Variants in SRGAP2 observed in about 807,000 individuals in gnomAD.
SRGAP2 encodes SLIT-ROBO Rho GTPase-activating protein 2.
SRGAP2 carries 15 observed loss-of-function variants against 57.2 expected under a neutral mutation model. That is an observed-to-expected ratio of 0.26 (90% confidence interval 0.18 to 0.40). The LOEUF is 0.40. Among genes scored for constraint, SRGAP2 ranks in the 10% least tolerant of loss-of-function variants. SRGAP2 has a pLI of 1.00. For synonymous variants in SRGAP2, 249 were observed against 248.0 expected (o/e 1.00, Z -0.04); for missense variants, 520 against 669.6 (o/e 0.78, Z 2.47).
chr1:206,238,677 C>G (rs1222592098), intron 2 of SRGAP2, among the ~76,000 whole-genome samples: 1 of 147,786 alleles, frequency 6.8e-6, no homozygotes, highest in Non-Finnish European at 1.5e-5. Flanking sequence ...TTCTGGGAAC[C>G]AGGGTAGGTC....
Position 206,356,892 on chromosome 1 carries a change from T to C in SRGAP2, c.423+13884T>C, listed in dbSNP as rs566237130. On this transcript the variant is annotated intron_variant, in intron 4 of 22. Transcript: ENST00000573034. ...CCTTGGGGTTTTTTGTTTTGTTTTC[T>C]TTTTTTTTTTCCTTTTTCTCTGTTC... Among the ~76,000 whole-genome samples, 49 of 146,520 alleles carry C rather than the reference T, an allele frequency of 3.3e-4. 4 individuals carry two copies. The highest frequency in any genetic ancestry group is 1.2e-3 in the African/African-American group (47 of 38,336).
chr1:206,340,761 A>T (rs1553334965), intron 3 of SRGAP2, among the ~76,000 whole-genome samples: 7 of 149,412 alleles, frequency 4.7e-5, no homozygotes. Flanking sequence ...ATGTGTTCAA[A>T]TATCTTACCA....
chr1:206,422,166 G>A (rs1156892767), intron 13 of SRGAP2, among the ~76,000 whole-genome samples: 4 of 152,174 alleles, frequency 2.6e-5, no homozygotes, highest in African/African-American at 9.7e-5. Context: ...TAGCCACAGG[G>A]AGATAATCGA....
chr1:206,357,468 T>C (rs1676523170), intron 4 of SRGAP2, among the ~76,000 whole-genome samples: 1 of 151,838 alleles, frequency 6.6e-6, no homozygotes, highest in South Asian at 2.1e-4. Flanking sequence ...GAAGCATTTT[T>C]ATCATGTCAT....
At chr1:206,262,676 G>A (rs1207542273) in intron 2 of SRGAP2, among the ~76,000 whole-genome samples, 2 of 148,776 alleles carry the variant, frequency 1.3e-5, no homozygotes, top group African/African-American at 4.9e-5. Context: ...CTGTATATCT[G>A]CAGGAAATAC....
chr1:206,366,447 C>T (rs1261963739), intron 4 of SRGAP2, among the ~76,000 whole-genome samples: 11 of 151,948 alleles, frequency 7.2e-5, no homozygotes, highest in Admixed American at 3.3e-4. Flanking sequence ...TAAATATGGC[C>T]GTGACCTGCA....
At chr1:206,286,608 A>G (rs1364399971) in intron 2 of SRGAP2, among the ~76,000 whole-genome samples, 2 of 152,012 alleles carry the variant, frequency 1.3e-5, no homozygotes, top group African/African-American at 2.4e-5. Flanking sequence ...AAACACCTAA[A>G]TAGATTTACA....
intron 21 of SRGAP2, among the ~76,000 whole-genome samples, chr1:206,456,914 T>C (rs1663887437): frequency 6.6e-6 from 1 of 152,186 alleles, no homozygotes. Context: ...CTCATCTCCC[T>C]TCAAGACTCA....
intron 7 of SRGAP2, among the ~76,000 whole-genome samples, 177 bp downstream of exon 7, chr1:206,393,850 T>C (rs1279307726): frequency 7.1e-6 from 1 of 141,240 alleles, no homozygotes; most frequent in Non-Finnish European, 1.5e-5. Flanking sequence ...TTCACACTTA[T>C]TCAATCCTAA....
At chr1:206,369,780 A>C (rs1191995341) in intron 4 of SRGAP2, among the ~76,000 whole-genome samples, 1 of 152,176 alleles carries the variant, frequency 6.6e-6, no homozygotes, top group Non-Finnish European at 1.5e-5. Context: ...GTATGGAGGA[A>C]TCAGAACCCT....
chr1:206,248,519 C>T (rs1271853831), intron 2 of SRGAP2, among the ~76,000 whole-genome samples: 26 of 152,188 alleles, frequency 1.7e-4, no homozygotes, highest in Admixed American at 1.0e-3. Context: ...GCTTTTTGGT[C>T]TCCCAAAGAC....
intron 2 of SRGAP2, among the ~76,000 whole-genome samples, chr1:206,230,123 A>G (rs76510871): frequency 2.2e-4 from 33 of 152,360 alleles, no homozygotes; most frequent in African/African-American, 7.0e-4. Flanking sequence ...AAACTGATCA[A>G]TTGCCGTGCA....
chr1:206,421,173 T>C, intron 12 of SRGAP2, 77 bp from the exon 13 acceptor site: 1 of 723,112 alleles, frequency 1.4e-6, no homozygotes, highest in South Asian at 1.5e-5. Flanking sequence ...TGATTGTTTA[T>C]CTCATTCGTC....
chr1:206,309,547 A>G (rs1277780403), intron 3 of SRGAP2, among the ~76,000 whole-genome samples: 5 of 150,898 alleles, frequency 3.3e-5, no homozygotes, highest in Non-Finnish European at 7.4e-5. Context: ...ATAGGACTGG[A>G]TAACTGACTG....
chr1:206,360,278 T>C (rs1676809230), intron 4 of SRGAP2, among the ~76,000 whole-genome samples: 2 of 147,602 alleles, frequency 1.4e-5, no homozygotes, highest in South Asian at 4.5e-4. Flanking sequence ...GCTTATCTGG[T>C]TTGAGAAACA....
intron 4 of SRGAP2, among the ~76,000 whole-genome samples, chr1:206,374,911 G>T (rs1434795351): frequency 2.6e-5 from 1 of 37,828 alleles, no homozygotes; most frequent in African/African-American, 1.1e-4. Flanking sequence ...TTTAATCAGC[G>T]ATTTTCCCAG....
rs782088872 is a variant in SRGAP2, at chr1:206,423,244, T to C, written c.1494+1970T>C. ...CCTGGCCATGACTTCATATCTTCTTTGTTGGCCTTTCTCCATTCCTCTAAA... is the reference window on the plus strand; with the variant it reads ...CCTGGCCATGACTTCATATCTTCTTCGTTGGCCTTTCTCCATTCCTCTAAA... On this transcript the variant is annotated intron_variant, in intron 13 of 22. Coordinates refer to ENST00000573034, the MANE Select transcript of SRGAP2 (RefSeq NM_015326.5). 4.6e-5 allele frequency among the ~76,000 whole-genome samples: 7 copies of C among 152,206 alleles called. No individual in the cohort carries two copies. In the East Asian group the frequency reaches 1.3e-3, roughly 29 times the overall value.
At chr1:206,419,259 C>T in intron 11 of SRGAP2, 114 bp from the exon 12 acceptor site, 2 of 723,108 alleles carry the variant, frequency 2.8e-6, no homozygotes, top group Non-Finnish European at 5.2e-6. Flanking sequence ...TTGCCACACA[C>T]TGTTATACTG....
chr1:206,363,730 G>A lies in SRGAP2; in HGVS notation c.424-20284G>A, dbSNP rs564981055. ...TGGTTTGTTTGGTTTCCTCATGGTTGGATTCAGTTTAAGCAATTTTGGCAA... is the reference window on the plus strand; with the variant it reads ...TGGTTTGTTTGGTTTCCTCATGGTTAGATTCAGTTTAAGCAATTTTGGCAA... On this transcript the variant is annotated intron_variant, in intron 4 of 22. Coordinates refer to ENST00000573034, the MANE Select transcript of SRGAP2 (RefSeq NM_015326.5). 2.0e-5 allele frequency among the ~76,000 whole-genome samples: 3 copies of A among 152,240 alleles called. No individual in the cohort carries two copies. The East Asian group carries it at 5.8e-4, about 29-fold the overall frequency.
Sources: gnomAD v4.1 joint callset for allele counts (sites outside exome capture counted in the v4.1 genomes callset) on GRCh38, gnomAD v4.1.1 for gene constraint, MANE v1.5 for transcripts, NCBI Gene and HGNC (gene_info 2026-07-23, HGNC 2026-07-21) for gene names.